The following MCU variants were observed in gnomAD, a reference collection of about 807,000 sequenced individuals.
The protein encoded by MCU is mitochondrial calcium uniporter.
In MCU, 12 loss-of-function variants were observed where a neutral mutation model predicts 45.2. The ratio of observed to expected loss-of-function variants is 0.27; its 90% CI spans 0.17 to 0.43. The LOEUF is 0.43. Among genes scored for constraint, MCU ranks in the 20% least tolerant of loss-of-function variants. The probability of loss-of-function intolerance (pLI) is 1.00; values close to 1 mark genes in which losing one functional copy is unlikely to be tolerated. For synonymous variants in MCU, 160 were observed against 165.1 expected, an observed-to-expected ratio of 0.97 and a Z score of 0.24; for missense variants, 324 against 436.7, an observed-to-expected ratio of 0.74 and a Z score of 2.30.
intron 1 of MCU, among the ~76,000 whole-genome samples, chr10:72,798,616 T>C (rs1844289435): frequency 6.6e-6 from 1 of 152,112 alleles, no homozygotes; most frequent in Non-Finnish European, 1.5e-5. Flanking sequence ...TTTTTCTATA[T>C]GTATTTAGTT....
intron 1 of MCU, among the ~76,000 whole-genome samples, chr10:72,806,493 T>C (rs1442278085): frequency 6.6e-6 from 1 of 152,172 alleles, no homozygotes; most frequent in African/African-American, 2.4e-5. Context: ...GTGGAGGCCT[T>C]TGATTCATTA....
intron 1 of MCU, among the ~76,000 whole-genome samples, chr10:72,736,740 A>G (rs913857219): frequency 6.6e-6 from 1 of 152,238 alleles, no homozygotes. Flanking sequence ...ACATTTTGTC[A>G]GTAAAGAGAT....
chr10:72,846,810 G>A (rs1445004096), intron 2 of MCU, among the ~76,000 whole-genome samples: 4 of 152,106 alleles, frequency 2.6e-5, no homozygotes, highest in African/African-American at 9.7e-5. Flanking sequence ...GATAGGGACT[G>A]GGAAGGGACC....
intron 6 of MCU, among the ~76,000 whole-genome samples, chr10:72,877,003 C>T (rs928628351): frequency 6.6e-6 from 1 of 151,036 alleles, no homozygotes; most frequent in South Asian, 2.1e-4. Flanking sequence ...CTCACTGAAG[C>T]ATCTACCTCT....
At chr10:72,717,307 T>A (rs1273813492) in intron 1 of MCU, among the ~76,000 whole-genome samples, 1 of 151,948 alleles carries the variant, frequency 6.6e-6, no homozygotes, top group Non-Finnish European at 1.5e-5. Flanking sequence ...TCGCGCAGGC[T>A]GGAGTGCAGT....
intron 1 of MCU, among the ~76,000 whole-genome samples, chr10:72,770,771 C>T (rs1843794452): frequency 6.6e-6 from 1 of 152,000 alleles, no homozygotes; most frequent in South Asian, 2.1e-4. Flanking sequence ...TATTACATTC[C>T]TAAATGTTAT....
intron 1 of MCU, among the ~76,000 whole-genome samples, chr10:72,702,729 C>T (rs1002876831): frequency 1.3e-5 from 2 of 152,166 alleles, no homozygotes; most frequent in South Asian, 2.1e-4. Context: ...GTAATCCCAA[C>T]GCTTTGGGAG....
At chr10:72,787,929 C>T (rs1844099801) in intron 1 of MCU, among the ~76,000 whole-genome samples, 3 of 152,094 alleles carry the variant, frequency 2.0e-5, no homozygotes, top group Non-Finnish European at 2.9e-5. Context: ...GTTGGTCAGG[C>T]TGGCCTCGAA....
chr10:72,884,168 A>G, intron 6 of MCU, 98 bp from the exon 7 acceptor site: 2 of 739,762 alleles, frequency 2.7e-6, no homozygotes, highest in Non-Finnish European at 4.8e-6. Flanking sequence ...ATGTCAGCAC[A>G]CACGCATACA....
At chr10:72,816,617 A>T (rs192494150) in intron 1 of MCU, among the ~76,000 whole-genome samples, 15 of 152,336 alleles carry the variant, frequency 9.8e-5, no homozygotes, top group African/African-American at 2.9e-4. Context: ...ATTTCTATTT[A>T]AAAAATTAAA....
intron 2 of MCU, among the ~76,000 whole-genome samples, chr10:72,857,422 T>C (rs991785588): frequency 3.3e-5 from 5 of 152,060 alleles, no homozygotes; most frequent in Non-Finnish European, 7.4e-5. Context: ...TTATTTTTAG[T>C]AGAGACAGGG....
At chr10:72,837,347 C>T (rs1270252386) in intron 2 of MCU, among the ~76,000 whole-genome samples, 5 of 152,136 alleles carry the variant, frequency 3.3e-5, no homozygotes, top group African/African-American at 1.2e-4. Flanking sequence ...CAAACACATA[C>T]TCATACTCAC....
At chr10:72,816,084 T>G (rs1844621452) in intron 1 of MCU, among the ~76,000 whole-genome samples, 1 of 152,038 alleles carries the variant, frequency 6.6e-6, no homozygotes, top group Non-Finnish European at 1.5e-5. Flanking sequence ...GGCACGAGAA[T>G]CACTTGAAAT....
At chr10:72,878,607 A>G (rs1845652924) in intron 6 of MCU, among the ~76,000 whole-genome samples, 2 of 152,230 alleles carry the variant, frequency 1.3e-5, no homozygotes, top group African/African-American at 4.8e-5. Context: ...TTGGCAGATA[A>G]CTTGATTTTT....
chr10:72,694,670 C>T (rs1489967619), intron 1 of MCU, among the ~76,000 whole-genome samples: 1 of 152,202 alleles, frequency 6.6e-6, no homozygotes, highest in Non-Finnish European at 1.5e-5. Flanking sequence ...TGTGTATGTG[C>T]AGCAGATGGC....
At chr10:72,876,918 A>G (rs994079842) in intron 6 of MCU, among the ~76,000 whole-genome samples, 1 of 133,604 alleles carries the variant, frequency 7.5e-6, no homozygotes, top group African/African-American at 3.3e-5. Flanking sequence ...GTATCAAATC[A>G]CAGTTTTTTT....
At chr10:72,830,454 T>G (rs1348803416) in intron 1 of MCU, among the ~76,000 whole-genome samples, 1 of 152,194 alleles carries the variant, frequency 6.6e-6, no homozygotes, top group Admixed American at 6.5e-5. Context: ...GATTTCCTTT[T>G]AAGAGATACG....
At chr10:72,834,098 T>C (rs770130305) in intron 1 of MCU, among the ~76,000 whole-genome samples, 117 of 152,372 alleles carry the variant, frequency 7.7e-4, no homozygotes, top group Non-Finnish European at 1.3e-3. Flanking sequence ...TAATTTTGTT[T>C]AATGTAACAT....
chr10:72,815,965 G>A (rs1291131716), intron 1 of MCU, among the ~76,000 whole-genome samples: 1 of 152,104 alleles, frequency 6.6e-6, no homozygotes, highest in East Asian at 1.9e-4. Context: ...GATCACTTGA[G>A]GCCATAAGTT....
Sources: gnomAD v4.1 joint callset for allele counts (sites outside exome capture counted in the v4.1 genomes callset) on GRCh38, gnomAD v4.1.1 for gene constraint, MANE v1.5 for transcripts, NCBI Gene and HGNC (gene_info 2026-07-23, HGNC 2026-07-21) for gene names.